The following ADGRL2 variants were observed in gnomAD, a reference collection of about 807,000 sequenced individuals.
ADGRL2 encodes the protein adhesion G protein-coupled receptor L2, also known as calcium-independent alpha-latrotoxin receptor 2.
Under a neutral mutation model 157.4 loss-of-function variants are expected in ADGRL2, and 44 were observed. That is an observed-to-expected ratio of 0.28 (90% CI 0.22 to 0.36). The LOEUF is 0.36. Among genes scored for constraint, ADGRL2 ranks in the 10% least tolerant of loss-of-function variants. The pLI is 1.00. For synonymous variants in ADGRL2, 585 were observed against 624.7 expected (o/e 0.94, Z 0.95); for missense variants, 1,510 against 1,768.9 (o/e 0.85, Z 2.63).
At chr1:81,605,505 AATAAT>A (rs2081415105) in intron 3 of ADGRL2, among the ~76,000 whole-genome samples, 1 of 152,166 alleles carries the variant, frequency 6.6e-6, no homozygotes, top group Admixed American at 6.5e-5. Context: ...GCCCCCACAT[AATAAT>A]ATAAGTTGAG....
At chr1:81,892,716 C>T (rs2094296524) in intron 2 of ADGRL2, among the ~76,000 whole-genome samples, 1 of 152,038 alleles carries the variant, frequency 6.6e-6, no homozygotes, top group Admixed American at 6.6e-5. Context: ...AAATGAATAT[C>T]CAACACATTT....
At chr1:81,800,132 C>CTA (rs1446897066), upstream of ADGRL2, among the ~76,000 whole-genome samples, 3 of 152,134 alleles carry the variant, frequency 2.0e-5, no homozygotes, top group Non-Finnish European at 4.4e-5. Context: ...AGCTCTGTGA[C>CTA]TATACTTGAG....
At chr1:81,691,082 A>G (rs532701438) in intron 3 of ADGRL2, among the ~76,000 whole-genome samples, 2 of 152,346 alleles carry the variant, frequency 1.3e-5, no homozygotes, top group Non-Finnish European at 2.9e-5. Context: ...ATCTGAATAC[A>G]TTGCACGAAA....
chr1:81,958,850 T>G (rs969295483), intron 11 of ADGRL2, among the ~76,000 whole-genome samples: 1 of 152,198 alleles, frequency 6.6e-6, no homozygotes, highest in African/African-American at 2.4e-5. Context: ...AGATTAGTTT[T>G]GCTTTTTCTA....
chr1:81,445,975 T>A (rs1287902550), intron 2 of ADGRL2, among the ~76,000 whole-genome samples: 2 of 151,958 alleles, frequency 1.3e-5, no homozygotes, highest in African/African-American at 4.8e-5. Context: ...TTTCACTAAA[T>A]CTCTATTTTT....
intron 2 of ADGRL2, among the ~76,000 whole-genome samples, chr1:81,765,626 A>T (rs2086089941): frequency 6.6e-6 from 1 of 152,042 alleles, no homozygotes; most frequent in African/African-American, 2.4e-5. Context: ...TAATGTAGTT[A>T]ATCTGCCCTT....
intron 3 of ADGRL2, among the ~76,000 whole-genome samples, chr1:81,670,126 AT>A (rs2148912635): frequency 6.6e-6 from 1 of 152,290 alleles, no homozygotes; most frequent in East Asian, 1.9e-4. Context: ...GAGATGGCTA[AT>A]TTTGAAAATC....
intron 1 of ADGRL2, among the ~76,000 whole-genome samples, chr1:81,826,453 A>G (rs2091490075): frequency 6.6e-6 from 1 of 152,092 alleles, no homozygotes; most frequent in Admixed American, 6.5e-5. Flanking sequence ...CCAGCAGGAG[A>G]TTTATTAAGC....
At chr1:81,919,011 G>A (rs563265149) in intron 3 of ADGRL2, among the ~76,000 whole-genome samples, 18 of 151,962 alleles carry the variant, frequency 1.2e-4, no homozygotes, top group South Asian at 8.3e-4. Context: ...TTGAATTCAC[G>A]CCTACCTTTT....
chr1:81,771,193 T>C (rs2086354051), intron 2 of ADGRL2, among the ~76,000 whole-genome samples: 1 of 151,756 alleles, frequency 6.6e-6, no homozygotes, highest in Non-Finnish European at 1.5e-5. Flanking sequence ...AGATCTCCTT[T>C]ATCAAGTTAA....
chr1:81,499,470 G>A (rs563120965), intron 2 of ADGRL2, among the ~76,000 whole-genome samples: 36 of 152,232 alleles, frequency 2.4e-4, no homozygotes, highest in Non-Finnish European at 4.1e-4. Context: ...CTTGAACCCG[G>A]TTGTTAAAAT....
At chr1:81,897,456 C>T (rs1171253497) in intron 2 of ADGRL2, among the ~76,000 whole-genome samples, 1 of 152,014 alleles carries the variant, frequency 6.6e-6, no homozygotes, top group Non-Finnish European at 1.5e-5. Context: ...TATTTTATAA[C>T]TGAAATATGT....
intron 3 of ADGRL2, among the ~76,000 whole-genome samples, chr1:81,665,398 T>C (rs2082732525): frequency 6.6e-6 from 1 of 152,184 alleles, no homozygotes; most frequent in African/African-American, 2.4e-5. Flanking sequence ...AATAAACTAA[T>C]ACCTAAACTG....
At chr1:81,565,020 A>G (rs2080527483) in intron 2 of ADGRL2, among the ~76,000 whole-genome samples, 1 of 152,196 alleles carries the variant, frequency 6.6e-6, no homozygotes, top group Non-Finnish European at 1.5e-5. Flanking sequence ...TTAAATTTTC[A>G]TTTCAAATAT....
At chr1:81,983,376 G>A (rs1384426841) in intron 19 of ADGRL2, among the ~76,000 whole-genome samples, 1 of 151,954 alleles carries the variant, frequency 6.6e-6, no homozygotes, top group Non-Finnish European at 1.5e-5. Flanking sequence ...CTTAGGCCAA[G>A]AAAATGCTTT....
intron 1 of ADGRL2, among the ~76,000 whole-genome samples, chr1:81,332,898 TC>T (rs890041417): frequency 5.9e-5 from 9 of 152,202 alleles, no homozygotes; most frequent in African/African-American, 2.2e-4. Context: ...TTTTATTTTT[TC>T]CCCTTGGACA....
chr1:81,993,700 C>G lies in ADGRL2; in HGVS notation c.*2555C>G, dbSNP rs530843477. ...AGGTAGTTTCTTAGGTTTGTAATTACTAAACTACTGACTGTTTTAATGCAG... is the reference window on the plus strand; with the variant it reads ...AGGTAGTTTCTTAGGTTTGTAATTAGTAAACTACTGACTGTTTTAATGCAG... On this transcript the variant is annotated 3_prime_UTR_variant, in exon 24 of 24. Transcript: ENST00000686636. Among the ~76,000 whole-genome samples the G allele has an allele frequency of 2.0e-5, 3 of 152,196 alleles. No individual in the cohort carries two copies. Among genetic ancestry groups the G allele is most frequent in the Non-Finnish European group, 4.4e-5 (3 of 68,000 alleles).
chr1:81,954,980 C>G (rs766834579), intron 10 of ADGRL2, among the ~76,000 whole-genome samples: 9 of 152,124 alleles, frequency 5.9e-5, no homozygotes, highest in Non-Finnish European at 1.2e-4. Context: ...AGTAAATAAA[C>G]TTAGTGATTT....
chr1:81,584,604 C>A (rs1463954105), intron 3 of ADGRL2, among the ~76,000 whole-genome samples: 1 of 152,128 alleles, frequency 6.6e-6, no homozygotes, highest in East Asian at 1.9e-4. Context: ...AAAGTTAGGG[C>A]TGTTTATATT....
Sources: allele counts gnomAD v4.1 joint callset (sites outside exome capture counted in the v4.1 genomes callset), GRCh38; gene constraint gnomAD v4.1.1; transcripts MANE v1.5; gene names NCBI Gene and HGNC (gene_info 2026-07-23, HGNC 2026-07-21).